Variants in GPHN observed in about 807,000 individuals in gnomAD.
GPHN encodes gephyrin.
In GPHN, 17 loss-of-function variants were observed where a neutral mutation model predicts 95.5. The observed-to-expected ratio is 0.18, with a 90% CI of 0.12 to 0.27. The LOEUF (loss-of-function observed/expected upper bound fraction) is 0.27. Ranked by LOEUF, GPHN falls within the 10% of genes least tolerant of loss-of-function variation. The pLI is 1.00. For synonymous variants in GPHN, 320 were observed against 322.5 expected (o/e 0.99, Z 0.08); for missense variants, 660 against 978.1 (o/e 0.67, Z 4.34).
intron 17 of GPHN, among the ~76,000 whole-genome samples, chr14:67,130,264 T>G (rs2079617796): frequency 6.6e-6 from 1 of 152,074 alleles, no homozygotes; most frequent in Admixed American, 6.6e-5. Flanking sequence ...CCCTTACCCC[T>G]CTCCCTCCTT....
At chr14:66,920,004 T>G (rs2066128372) in intron 6 of GPHN, among the ~76,000 whole-genome samples, 1 of 152,118 alleles carries the variant, frequency 6.6e-6, no homozygotes, top group South Asian at 2.1e-4. Context: ...AGGCGGAGGT[T>G]GCAGTGAGAC....
rs375868473 is a variant in GPHN, at chr14:66,821,690, A to G, written c.202-2784A>G. Among the ~76,000 whole-genome samples, 468 of 152,314 alleles carry G rather than the reference A, an allele frequency of 3.1e-3. 10 individuals carry two copies. The highest frequency in any genetic ancestry group is 0.011 in the African/African-American group (443 of 41,566). Reference sequence around the variant, plus strand: ...GAAGAATTCTTTTGTTTTGAAAACCAAGTGACTGAATGATAGGATTTCTAT... The same window carrying G: ...GAAGAATTCTTTTGTTTTGAAAACCGAGTGACTGAATGATAGGATTTCTAT... On this transcript the variant is annotated intron_variant, in intron 3 of 22. Coordinates refer to ENST00000478722, the MANE Select transcript of GPHN (RefSeq NM_020806.5).
chr14:67,020,005 G>C (rs755024337), intron 9 of GPHN, among the ~76,000 whole-genome samples: 4 of 152,132 alleles, frequency 2.6e-5, no homozygotes, highest in Non-Finnish European at 4.4e-5. Flanking sequence ...GGTGGAGGGT[G>C]GGGAGGTAAA....
At position 67,058,675 on chromosome 14, in the gene GPHN, G is replaced by A. The variant is rs774554831; in HGVS notation, c.1033G>A (p.Val345Met). 7.6e-5 allele frequency: 123 copies of A among 1,613,204 alleles called. No individual in the cohort carries two copies. The highest frequency in any genetic ancestry group is 9.5e-5 in the Non-Finnish European group (112 of 1,179,276). ...ASHSAVDITK[V>M]ARRHRMSPFP... ...TCACAGTGCTGTCGATATCACCAAG[G>A]TGGCTAGAAGACATCGCATGTCTCC... The change falls in exon 11 of 23, where the codon GTG (valine) becomes ATG (methionine). Residue 345 changes from valine to methionine, a missense_variant. Physicochemically the swap from Val to Met is conservative, Grantham distance 21. This residue lies in a region of GPHN where 190 missense variants were observed against 224.7 expected (regional missense o/e 0.85). Transcript: ENST00000478722.
chr14:67,380,669 A>G, the GPHN span: 1 of 1,554,770 alleles, frequency 6.4e-7, no homozygotes, highest in Non-Finnish European at 8.7e-7. Flanking sequence ...AGACCCATCT[A>G]TTTTGGATAG....
intron 1 of GPHN, among the ~76,000 whole-genome samples, chr14:66,580,760 T>A (rs889246929): frequency 2.6e-5 from 4 of 151,814 alleles, no homozygotes; most frequent in Non-Finnish European, 5.9e-5. Context: ...TAAACACCAG[T>A]GTTTCTCAAG....
chr14:67,495,727 A>T, the GPHN span, among the ~76,000 whole-genome samples: 1 of 151,446 alleles, frequency 6.6e-6, no homozygotes, highest in South Asian at 2.1e-4. Flanking sequence ...CAGGTGATCC[A>T]CTCACCCCGG....
At chr14:67,652,758 C>G in the GPHN span, 1 of 152,182 alleles carries the variant, frequency 6.6e-6, no homozygotes, top group African/African-American at 2.4e-5. Context: ...AAGTACTATG[C>G]AAGTGAAAAC....
intron 11 of GPHN, among the ~76,000 whole-genome samples, chr14:67,059,595 A>C (rs1456243270): frequency 6.6e-6 from 1 of 152,194 alleles, no homozygotes; most frequent in Non-Finnish European, 1.5e-5. Flanking sequence ...TTGTCAAGGA[A>C]ACTCAAACTC....
intron 5 of GPHN, among the ~76,000 whole-genome samples, chr14:66,887,590 A>G (rs1443194816): frequency 6.6e-6 from 1 of 152,094 alleles, no homozygotes; most frequent in Non-Finnish European, 1.5e-5. Flanking sequence ...TAAAAAGACC[A>G]AGACCTAATG....
At chr14:67,570,226 C>G in the GPHN span, 1 of 413,796 alleles carries the variant, frequency 2.4e-6, no homozygotes. Flanking sequence ...TGAACGTGGA[C>G]AAGGTAAGAA....
intron 3 of GPHN, among the ~76,000 whole-genome samples, chr14:66,781,592 A>G (rs183809934): frequency 5.9e-5 from 9 of 152,304 alleles, no homozygotes; most frequent in Non-Finnish European, 8.8e-5. Context: ...ATCCCTAAAC[A>G]TTACAATTCA....
the GPHN span, among the ~76,000 whole-genome samples, chr14:67,288,118 C>T: frequency 9.2e-5 from 14 of 152,152 alleles, no homozygotes; most frequent in East Asian, 1.5e-3. Context: ...CTCACTCTGT[C>T]GCCCAGGCTG....
the GPHN span, chr14:67,593,744 A>G: frequency 6.3e-7 from 1 of 1,593,706 alleles, no homozygotes; most frequent in South Asian, 1.1e-5. Context: ...AATACTTACC[A>G]TGTAAATGGC....
At chr14:66,832,544 A>G (rs1163483709) in intron 4 of GPHN, among the ~76,000 whole-genome samples, 1 of 152,164 alleles carries the variant, frequency 6.6e-6, no homozygotes, top group Non-Finnish European at 1.5e-5. Context: ...CCCACTTTAT[A>G]TCTGGGTTTT....
chr14:67,662,458 A>G, the GPHN span: 2 of 1,610,058 alleles, frequency 1.2e-6, no homozygotes, highest in African/African-American at 1.3e-5. Context: ...AAGAAACAAA[A>G]TTTGTTCCTT....
chr14:67,347,232 C>T, the GPHN span, among the ~76,000 whole-genome samples: 2 of 152,144 alleles, frequency 1.3e-5, no homozygotes, highest in South Asian at 2.1e-4. Flanking sequence ...AGCCATTGTG[C>T]CCGGCCTTAA....
At chr14:67,586,798 C>T in the GPHN span, 9 of 1,406,652 alleles carry the variant, frequency 6.4e-6, no homozygotes, top group African/African-American at 1.4e-5. Flanking sequence ...AAGGCCCCTT[C>T]CCTGGTTGTA....
intron 1 of GPHN, among the ~76,000 whole-genome samples, chr14:66,602,956 C>A (rs1211709594): frequency 6.6e-6 from 1 of 151,844 alleles, no homozygotes; most frequent in Non-Finnish European, 1.5e-5. Flanking sequence ...AAGTTCCCCT[C>A]CTCTCCCAAG....
Sources: gnomAD v4.1 joint callset for allele counts (sites outside exome capture counted in the v4.1 genomes callset) on GRCh38, gnomAD v4.1.1 for gene constraint, gnomAD v4.1.1 regional missense constraint, MANE v1.5 for transcripts, NCBI Gene and HGNC (gene_info 2026-07-23, HGNC 2026-07-21) for gene names.